The following ME2 variants were observed in gnomAD, a reference collection of about 807,000 sequenced individuals.
ME2 encodes the protein malic enzyme 2.
ME2 carries 60 observed loss-of-function variants against 73.7 expected under a neutral mutation model. That is an observed-to-expected ratio of 0.81 (90% CI 0.66 to 1.01). The LOEUF (loss-of-function observed/expected upper bound fraction) is 1.01. ME2 is among the 50% of genes least tolerant of loss of function. The pLI is 0.00. For missense variants in ME2, 594 were observed against 705.5 expected, an observed-to-expected ratio of 0.84 and a Z score of 1.79; for synonymous variants, 199 against 236.9, an observed-to-expected ratio of 0.84 and a Z score of 1.47.
At chr18:50,916,082 T>A in intron 4 of ME2, 86 bp from the exon 5 acceptor site, 6 of 913,888 alleles carry the variant, frequency 6.6e-6, no homozygotes, top group Non-Finnish European at 1.0e-5. Flanking sequence ...TGATATTTTA[T>A]TAAAATATCA....
intron 1 of ME2, among the ~76,000 whole-genome samples, chr18:50,885,956 T>C (rs1463399317): frequency 6.6e-6 from 1 of 152,180 alleles, no homozygotes; most frequent in African/African-American, 2.4e-5. Flanking sequence ...AATTCTCTTA[T>C]ATAGCAAATT....
At chr18:50,927,751 T>TATATACACAC (rs1316314513) in intron 12 of ME2, among the ~76,000 whole-genome samples, 1 of 123,306 alleles carries the variant, frequency 8.1e-6, no homozygotes, top group African/African-American at 3.3e-5. Flanking sequence ...TATATATATA[T>TATATACACAC]ACACACCACA....
intron 7 of ME2, among the ~76,000 whole-genome samples, chr18:50,918,602 A>G (rs919890733): frequency 3.3e-5 from 5 of 151,778 alleles, no homozygotes; most frequent in Non-Finnish European, 5.9e-5. Context: ...ACCTCTTTGC[A>G]CCGTCAACTC....
In ME2 at chr18:50,908,199, AAG is replaced by A; in HGVS notation, c.242+6_242+7del. ...AAAATGACTAGCCCTTTGGAAAAGT[AAG>A]AGTTGCTTAGATGTTTCTTTTTTTA... On this transcript the variant is annotated splice_donor_5th_base_variant and intron_variant, in intron 3 of 15. Transcript: ENST00000321341. The A allele has an allele frequency of 6.3e-7, 1 of 1,581,628 alleles. No homozygotes were observed. The highest frequency in any genetic ancestry group is 8.6e-7 in the Non-Finnish European group (1 of 1,168,172).
intron 13 of ME2, 76 bp downstream of exon 13, chr18:50,932,436 G>A: frequency 8.3e-7 from 1 of 1,208,720 alleles, no homozygotes; most frequent in South Asian, 1.4e-5. Context: ...CTTTGGAATG[G>A]GAGACTGAAC....
rs1280989335 is a variant in ME2, at chr18:50,948,191, T to C, written c.*1007T>C. 1 of 152,216 alleles carries C rather than the reference T, an allele frequency of 6.6e-6. No individual in the cohort carries two copies. The highest frequency in any genetic ancestry group is 2.4e-5 in the African/African-American group (1 of 41,460). The allele number at this position is 152,216 out of a possible 1,614,324, so 9.4% of individuals were successfully genotyped here. ...ATTAGTAGTGACAACTCTTTCTCCA[T>C]TGAAGGCAGACTTAATTTTTTTAAA... On this transcript the variant is annotated 3_prime_UTR_variant, in exon 16 of 16. Transcript: ENST00000321341.
Position 50,940,306 on chromosome 18 carries a change from A to G in ME2, c.1507A>G (p.Thr503Ala), listed in dbSNP as rs1189855176. The change falls in exon 15 of 16, where the codon ACA (threonine) becomes GCA (alanine). Residue 503 changes from threonine to alanine, a missense_variant. Transcript: ENST00000321341. ...EAAKALTSQL[T>A]DEELAQGRLY... Reference sequence around the variant, plus strand: ...TCTTCAGGCCCTGACAAGCCAATTGACAGATGAAGAGCTAGCCCAAGGGAG... The same window carrying G: ...TCTTCAGGCCCTGACAAGCCAATTGGCAGATGAAGAGCTAGCCCAAGGGAG... The G allele has an allele frequency of 2.5e-6, 4 of 1,608,376 alleles. No individual in the cohort carries two copies. In the African/African-American group the frequency reaches 4.0e-5, roughly 16 times the overall value.
intron 15 of ME2, among the ~76,000 whole-genome samples, chr18:50,941,383 T>G (rs1165020597): frequency 1.2e-5 from 1 of 86,782 alleles, no homozygotes; most frequent in Non-Finnish European, 2.4e-5. Flanking sequence ...TTTTTTTTTT[T>G]TGAGACAGAG....
At chr18:50,937,387 G>A (rs1240553884) in intron 13 of ME2, among the ~76,000 whole-genome samples, 2 of 152,166 alleles carry the variant, frequency 1.3e-5, no homozygotes, top group South Asian at 2.1e-4. Flanking sequence ...CTAGAAAATA[G>A]GAAGTTTAAA....
intron 15 of ME2, chr18:50,942,608 T>G (rs1917990354): frequency 4.0e-6 from 1 of 249,176 alleles, no homozygotes; most frequent in Admixed American, 5.5e-5. Flanking sequence ...CAGTATAATT[T>G]TGTTTTCTTC....
chr18:50,934,058 T>G (rs1417052991), intron 13 of ME2: 1 of 152,200 alleles, frequency 6.6e-6, no homozygotes, highest in Non-Finnish European at 1.5e-5. Flanking sequence ...ATGTGCCACA[T>G]TTACTTTATC....
At chr18:50,886,211 A>AT (rs1916464479) in intron 1 of ME2, among the ~76,000 whole-genome samples, 1 of 150,132 alleles carries the variant, frequency 6.7e-6, no homozygotes, top group Admixed American at 6.7e-5. Flanking sequence ...GTATGTGTCT[A>AT]TTTTTTAATT....
At chr18:50,898,290 G>C (rs1365049818) in intron 2 of ME2, among the ~76,000 whole-genome samples, 1 of 152,110 alleles carries the variant, frequency 6.6e-6, no homozygotes. Flanking sequence ...GGTAAAGGAA[G>C]CATAATATAA....
chr18:50,882,822 A>G (rs1916355993), intron 1 of ME2, among the ~76,000 whole-genome samples: 1 of 152,032 alleles, frequency 6.6e-6, no homozygotes, highest in Non-Finnish European at 1.5e-5. Context: ...GGTAGCACAC[A>G]CCTATAATCC....
intron 12 of ME2, among the ~76,000 whole-genome samples, chr18:50,927,805 A>G (rs1043129098): frequency 8.9e-6 from 1 of 112,286 alleles, no homozygotes; most frequent in Non-Finnish European, 1.7e-5. Flanking sequence ...ATATCTTGTC[A>G]TTTAATTTTT....
chr18:50,912,739 A>G, intron 3 of ME2, 62 bp from the exon 4 acceptor site: 1 of 1,293,404 alleles, frequency 7.7e-7, no homozygotes, highest in Non-Finnish European at 1.0e-6. Flanking sequence ...TAACTTTCAT[A>G]AGCCAAGACT....
intron 1 of ME2, among the ~76,000 whole-genome samples, chr18:50,885,556 T>C (rs1032210643): frequency 2.0e-5 from 3 of 152,108 alleles, no homozygotes; most frequent in African/African-American, 7.2e-5. Flanking sequence ...TAAATGACAA[T>C]TTATAAAATT....
chr18:50,903,001 T>G (rs561619322), intron 2 of ME2, among the ~76,000 whole-genome samples: 41 of 152,254 alleles, frequency 2.7e-4, no homozygotes, highest in African/African-American at 9.6e-4. Context: ...GTGGAGAAAC[T>G]GCATGTGCCT....
intron 10 of ME2, 72 bp downstream of exon 10, chr18:50,921,259 C>T: frequency 1.3e-6 from 1 of 741,754 alleles, no homozygotes; most frequent in East Asian, 3.1e-5. Flanking sequence ...AATATTATTC[C>T]TTAAAATCTT....
Sources: gnomAD v4.1 joint callset for allele counts (sites outside exome capture counted in the v4.1 genomes callset) on GRCh38, gnomAD v4.1.1 for gene constraint, MANE v1.5 for transcripts, NCBI Gene and HGNC (gene_info 2026-07-23, HGNC 2026-07-21) for gene names.